The following ARHGEF3 variants were observed in gnomAD, a reference collection of about 807,000 sequenced individuals.
The protein encoded by ARHGEF3 is 59.8 kDA protein.
In ARHGEF3, 28 loss-of-function variants were observed where a neutral mutation model predicts 63.2. That is an observed-to-expected ratio of 0.44 (90% CI 0.33 to 0.61). The LOEUF (loss-of-function observed/expected upper bound fraction) is 0.61. ARHGEF3 is among the 20% of genes least tolerant of loss of function. The pLI is 0.03. For synonymous variants in ARHGEF3, 266 were observed against 254.2 expected (o/e 1.05, Z -0.44); for missense variants, 533 against 659.3 (o/e 0.81, Z 2.10).
At chr3:57,055,839 A>G (rs1704905933) in intron 1 of ARHGEF3, among the ~76,000 whole-genome samples, 2 of 152,350 alleles carry the variant, frequency 1.3e-5, no homozygotes, top group South Asian at 4.1e-4. Flanking sequence ...TTAGGACACA[A>G]ACTTCCACCT....
At position 56,737,803 on chromosome 3, in the gene ARHGEF3, C is replaced by G. The variant is rs139837097; in HGVS notation, c.871-448G>C. Among the ~76,000 whole-genome samples the G allele has an allele frequency of 7.2e-3, 1,099 of 152,206 alleles. 17 individuals are homozygous for G. The highest frequency in any genetic ancestry group is 0.025 in the African/African-American group (1,019 of 41,544). On this transcript the variant is annotated intron_variant, in intron 7 of 9. Transcript: ENST00000296315. ...GTGACACAATTAATAGCTTCAACGT[C>G]TCTCTATATGTACTCAATCTAATGT... is the stretch of plus-strand genomic sequence containing the variant.
chr3:56,820,202 AG>A (rs1354452384), intron 4 of ARHGEF3, among the ~76,000 whole-genome samples: 1 of 152,174 alleles, frequency 6.6e-6, no homozygotes, highest in Non-Finnish European at 1.5e-5. Context: ...TACTACTGCC[AG>A]GGGAGGCCAG....
intron 1 of ARHGEF3, among the ~76,000 whole-genome samples, chr3:56,796,477 AG>A (rs1434832443): frequency 1.3e-5 from 2 of 152,250 alleles, no homozygotes; most frequent in Non-Finnish European, 2.9e-5. Context: ...CTTGGTCTTG[AG>A]AAACACAAAA....
chr3:56,810,313 G>T (rs898324689), intron 4 of ARHGEF3, among the ~76,000 whole-genome samples: 2 of 152,110 alleles, frequency 1.3e-5, no homozygotes, highest in African/African-American at 4.8e-5. Context: ...GGAAGCTGAG[G>T]CGGGCAGATC....
chr3:56,857,900 T>G (rs1367969801), intron 4 of ARHGEF3, among the ~76,000 whole-genome samples: 2 of 152,290 alleles, frequency 1.3e-5, no homozygotes, highest in East Asian at 3.9e-4. Context: ...GGACTATAGA[T>G]GCAAGCCACT....
chr3:56,995,440 C>T (rs1328074632), intron 2 of ARHGEF3, among the ~76,000 whole-genome samples: 1 of 152,062 alleles, frequency 6.6e-6, no homozygotes, highest in Non-Finnish European at 1.5e-5. Context: ...TGTTTATATG[C>T]CTTGCTGCTT....
intron 2 of ARHGEF3, among the ~76,000 whole-genome samples, chr3:56,961,126 T>C (rs950758696): frequency 6.7e-6 from 1 of 149,074 alleles, no homozygotes; most frequent in African/African-American, 2.4e-5. Flanking sequence ...ACAATAATCT[T>C]ATAAGGTAGC....
chr3:56,768,932 A>G (rs2035861963), intron 2 of ARHGEF3, among the ~76,000 whole-genome samples: 1 of 152,204 alleles, frequency 6.6e-6, no homozygotes, highest in Admixed American at 6.5e-5. Flanking sequence ...GACAGAGATA[A>G]GGCTGAATAG....
intron 3 of ARHGEF3, among the ~76,000 whole-genome samples, chr3:56,904,358 G>A (rs1266066630): frequency 6.6e-6 from 1 of 152,132 alleles, no homozygotes; most frequent in Non-Finnish European, 1.5e-5. Context: ...TAGAGATGGA[G>A]TCTCGCTATG....
At chr3:56,821,781 T>C (rs533867385) in intron 4 of ARHGEF3, among the ~76,000 whole-genome samples, 4 of 152,162 alleles carry the variant, frequency 2.6e-5, no homozygotes, top group East Asian at 1.9e-4. Flanking sequence ...CTGGCCAACA[T>C]TGTGAAACCT....
chr3:56,808,417 T>C (rs1446636087), intron 4 of ARHGEF3, among the ~76,000 whole-genome samples: 8 of 151,932 alleles, frequency 5.3e-5, no homozygotes, highest in African/African-American at 1.9e-4. Context: ...TCCCCATCTC[T>C]ACAAAAAAAG....
intron 8 of ARHGEF3, among the ~76,000 whole-genome samples, chr3:56,734,443 G>A (rs7638200): frequency 0.043 from 6,493 of 152,080 alleles, 151 homozygotes; most frequent in East Asian, 0.097. Flanking sequence ...GAGTGAGAGG[G>A]GCAAGGGCTG....
chr3:56,824,868 T>G (rs1483619966), intron 4 of ARHGEF3, among the ~76,000 whole-genome samples: 3 of 152,194 alleles, frequency 2.0e-5, no homozygotes, highest in Non-Finnish European at 4.4e-5. Context: ...ATAACAGGAT[T>G]CTCAGAGTAA....
Position 56,801,719 on chromosome 3 carries a change from G to C in ARHGEF3, c.80C>G (p.Pro27Arg), listed in dbSNP as rs771379030. The change falls in exon 1 of 10, where the codon CCG (proline) becomes CGG (arginine). Residue 27 changes from proline to arginine, a missense_variant. This residue lies in a region of ARHGEF3 where 160 missense variants were observed against 157.3 expected (regional missense o/e 1.02). Transcript: ENST00000296315. ...CGGCCCTACCTCAGCGTCCTTGGCC[G>C]GACCGCTGGCCGGGGGTAGCTCCAG... ...CSLELPPASG[P>R]AKDAEEPSNK... 2.6e-6 allele frequency: 4 copies of C among 1,562,266 alleles called. No homozygotes were observed. The highest frequency in any genetic ancestry group is 4.7e-5 in the East Asian group (2 of 42,242).
At chr3:56,948,281 A>G (rs1699619298) in intron 3 of ARHGEF3, among the ~76,000 whole-genome samples, 1 of 152,240 alleles carries the variant, frequency 6.6e-6, no homozygotes, top group Admixed American at 6.5e-5. Context: ...CTAAGATCAG[A>G]GCAGAACTGA....
At chr3:56,760,931 GA>G (rs2035379628) in intron 2 of ARHGEF3, among the ~76,000 whole-genome samples, 1 of 152,126 alleles carries the variant, frequency 6.6e-6, no homozygotes, top group South Asian at 2.1e-4. Context: ...ACTCCACTCA[GA>G]AGGGACTGGA....
At chr3:57,023,940 G>A (rs560017624) in intron 2 of ARHGEF3, among the ~76,000 whole-genome samples, 83 of 152,234 alleles carry the variant, frequency 5.5e-4, no homozygotes, top group African/African-American at 1.9e-3. Context: ...CCAGAACAAC[G>A]CCCCCGGCAC....
At chr3:57,071,281 C>T (rs1705887233) in intron 1 of ARHGEF3, among the ~76,000 whole-genome samples, 2 of 152,084 alleles carry the variant, frequency 1.3e-5, no homozygotes, top group African/African-American at 4.8e-5. Context: ...AAGCTAGACC[C>T]CTACCTCACA....
At chr3:56,948,007 A>T (rs891949834) in intron 3 of ARHGEF3, among the ~76,000 whole-genome samples, 1 of 152,226 alleles carries the variant, frequency 6.6e-6, no homozygotes, top group Non-Finnish European at 1.5e-5. Context: ...TGGAAACTGA[A>T]CAACCTGCTC....
Sources: allele counts gnomAD v4.1 joint callset (sites outside exome capture counted in the v4.1 genomes callset), GRCh38; gene constraint gnomAD v4.1.1; regional missense constraint gnomAD v4.1.1; transcripts MANE v1.5; gene names NCBI Gene and HGNC (gene_info 2026-07-23, HGNC 2026-07-21).